LRP1B: variants seen among roughly 807,000 people sequenced by gnomAD.
LRP1B encodes the protein low-density lipoprotein receptor-related protein 1B.
A neutral mutation model predicts 556.6 loss-of-function variants in LRP1B; 217 were observed. That is an observed-to-expected ratio of 0.39 (90% confidence interval 0.35 to 0.44). LRP1B has a LOEUF of 0.44. Ranked by LOEUF, LRP1B falls within the 20% of genes least tolerant of loss-of-function variation. LRP1B has a pLI of 1.00. For missense variants in LRP1B, 5,053 were observed against 5,620.8 expected (o/e 0.90, Z 3.23); for synonymous variants, 2,047 against 1,865.8 (o/e 1.10, Z -2.50).
At chr2:140,896,798 AT>A (rs66552580) in intron 23 of LRP1B, among the ~76,000 whole-genome samples, 5 of 151,368 alleles carry the variant, frequency 3.3e-5, no homozygotes, top group South Asian at 2.1e-4. Flanking sequence ...TGCTATCATC[AT>A]TTTTTTTTCT....
At chr2:141,354,495 A>T (rs1688555026) in intron 3 of LRP1B, among the ~76,000 whole-genome samples, 1 of 152,132 alleles carries the variant, frequency 6.6e-6, no homozygotes, top group Non-Finnish European at 1.5e-5. Flanking sequence ...TTCAAAGAGA[A>T]CCATTAATTA....
chr2:140,625,979 C>T (rs995671722), intron 41 of LRP1B, among the ~76,000 whole-genome samples: 8 of 152,148 alleles, frequency 5.3e-5, no homozygotes, highest in African/African-American at 1.9e-4. Flanking sequence ...ATCAAGATGT[C>T]TCTCAATAGG....
intron 1 of LRP1B, among the ~76,000 whole-genome samples, chr2:142,019,611 T>C (rs1039921567): frequency 6.6e-6 from 1 of 152,214 alleles, no homozygotes; most frequent in Non-Finnish European, 1.5e-5. Flanking sequence ...TCCAGAGTGA[T>C]GCTGTAGAAA....
At chr2:140,235,074 C>A (rs1680637964) in intron 89 of LRP1B, among the ~76,000 whole-genome samples, 190 bp from the exon 90 acceptor site, 1 of 150,984 alleles carries the variant, frequency 6.6e-6, no homozygotes, top group East Asian at 2.0e-4. Flanking sequence ...TATTAAAGAT[C>A]CAATATTAAT....
intron 29 of LRP1B, 96 bp from the exon 30 acceptor site, chr2:140,841,188 T>A: frequency 1.3e-6 from 1 of 760,478 alleles, no homozygotes; most frequent in Non-Finnish European, 2.1e-6. Flanking sequence ...AAAATTTAAT[T>A]TATACTTTAA....
At chr2:140,953,023 T>C (rs1695764361) in intron 18 of LRP1B, among the ~76,000 whole-genome samples, 1 of 152,114 alleles carries the variant, frequency 6.6e-6, no homozygotes, top group Admixed American at 6.6e-5. Context: ...ACTCTATCAG[T>C]TTAATTACAT....
chr2:141,685,728 T>C (rs539609395), intron 2 of LRP1B, among the ~76,000 whole-genome samples: 1 of 152,172 alleles, frequency 6.6e-6, no homozygotes, highest in African/African-American at 2.4e-5. Context: ...CAAGGAATGC[T>C]GGCAGCCTCT....
At chr2:141,307,996 G>A (rs1686663518) in intron 3 of LRP1B, among the ~76,000 whole-genome samples, 1 of 152,180 alleles carries the variant, frequency 6.6e-6, no homozygotes, top group African/African-American at 2.4e-5. Flanking sequence ...CAGGCCTGAA[G>A]GTGGCATGTG....
In LRP1B at chr2:140,575,266, A is replaced by G. The variant is rs184502116; in HGVS notation, c.7194+23365T>C. On this transcript the variant is annotated intron_variant, in intron 43 of 90. Coordinates refer to ENST00000389484, the MANE Select transcript of LRP1B (RefSeq NM_018557.3). The stretch of plus-strand genomic sequence containing the variant: ...TGAAATGGGAAAAGTTATCTGCATA[A>G]TCTCTAAGTGCCCATCTATTTCCAA... Among the ~76,000 whole-genome samples the G allele has an allele frequency of 3.9e-5, 6 of 152,274 alleles. No homozygotes were observed. The East Asian group carries it at 1.2e-3, about 29-fold the overall frequency.
intron 1 of LRP1B, among the ~76,000 whole-genome samples, chr2:142,024,810 C>A (rs1703452957): frequency 6.6e-6 from 1 of 151,946 alleles, no homozygotes. Context: ...CTTCTGATAT[C>A]CCTCCATAAA....
intron 79 of LRP1B, among the ~76,000 whole-genome samples, chr2:140,331,563 C>T (rs1040434680): frequency 5.9e-5 from 9 of 151,814 alleles, no homozygotes; most frequent in African/African-American, 1.9e-4. Context: ...TGCCCTTCTA[C>T]ATGTGCCATG....
chr2:141,330,359 TC>T (rs1309134255), intron 3 of LRP1B, among the ~76,000 whole-genome samples: 1 of 96,276 alleles, frequency 1.0e-5, no homozygotes, highest in Non-Finnish European at 2.3e-5. Flanking sequence ...TGTTAACAAC[TC>T]ATTAACCAGA....
At chr2:142,087,415 T>G (rs1375571963) in intron 1 of LRP1B, among the ~76,000 whole-genome samples, 1 of 151,948 alleles carries the variant, frequency 6.6e-6, no homozygotes, top group African/African-American at 2.4e-5. Flanking sequence ...TATTCAGGAT[T>G]ATTTACATGA....
At chr2:140,432,685 CAG>C (rs1458049053) in intron 66 of LRP1B, among the ~76,000 whole-genome samples, 6 of 152,134 alleles carry the variant, frequency 3.9e-5, no homozygotes, top group African/African-American at 9.7e-5. Context: ...GAACTTCTAA[CAG>C]AGATTTACAA....
rs745524571 is a variant in LRP1B, at chr2:140,291,320, T to TATA, written c.12967+6487_12967+6488insTAT. ...ATTTTATATATATATATATATATAT[T>TATA]TTTATTATACTTTAAGTTCTAGGGT... On this transcript the variant is annotated intron_variant, in intron 84 of 90. Coordinates refer to ENST00000389484, the MANE Select transcript of LRP1B (RefSeq NM_018557.3). Among the ~76,000 whole-genome samples, 749 of 51,042 alleles carry TATA rather than the reference T, an allele frequency of 0.015. 49 individuals carry two copies. The East Asian group carries it at 0.15, about 10-fold the overall frequency. 33.5% of individuals were successfully genotyped at this position (51,042 alleles called of 152,430 possible). A position where few individuals can be genotyped will look rare whatever the true frequency, so the allele number is the denominator to read the frequency against.
intron 41 of LRP1B, among the ~76,000 whole-genome samples, chr2:140,668,590 C>G (rs6728469): frequency 0.018 from 2,739 of 152,010 alleles, 83 homozygotes; most frequent in African/African-American, 0.062. Flanking sequence ...TGCTATCGTT[C>G]ATATAAATAG....
At chr2:141,351,288 TAC>T (rs1405413476) in intron 3 of LRP1B, among the ~76,000 whole-genome samples, 4 of 152,076 alleles carry the variant, frequency 2.6e-5, no homozygotes, top group Non-Finnish European at 5.9e-5. Context: ...ATATATAAAT[TAC>T]AGTGTCTAAG....
chr2:140,493,432 C>T (rs187998926), intron 56 of LRP1B, among the ~76,000 whole-genome samples: 179 of 152,106 alleles, frequency 1.2e-3, no homozygotes, highest in Non-Finnish European at 2.2e-3. Flanking sequence ...GGAAACAAAA[C>T]GATTTCTTGA....
chr2:140,814,371 A>G (rs1691032763), intron 31 of LRP1B, among the ~76,000 whole-genome samples: 1 of 152,210 alleles, frequency 6.6e-6, no homozygotes, highest in Admixed American at 6.5e-5. Context: ...TGTGCCACCA[A>G]GAAATGACAG....
Sources: allele counts gnomAD v4.1 joint callset (sites outside exome capture counted in the v4.1 genomes callset), GRCh38; gene constraint gnomAD v4.1.1; transcripts MANE v1.5; gene names NCBI Gene and HGNC (gene_info 2026-07-23, HGNC 2026-07-21).